Variants in PDE1C observed in about 807,000 individuals in gnomAD.
PDE1C encodes the protein dual specificity calcium/calmodulin-dependent 3',5'-cyclic nucleotide phosphodiesterase 1C.
Under a neutral mutation model 93.1 loss-of-function variants are expected in PDE1C, and 62 were observed. That is an observed-to-expected ratio of 0.67 (90% CI 0.54 to 0.82). The LOEUF (loss-of-function observed/expected upper bound fraction) is 0.82, where lower values mean the gene tolerates loss of function less well. PDE1C is among the 40% of genes least tolerant of loss of function. PDE1C has a pLI of 0.00. For synonymous variants in PDE1C, 325 were observed against 310.1 expected (o/e 1.05, Z -0.50); for missense variants, 742 against 884.6 (o/e 0.84, Z 2.04).
intron 2 of PDE1C, among the ~76,000 whole-genome samples, chr7:32,031,694 C>T (rs1790344015): frequency 6.6e-6 from 1 of 152,058 alleles, no homozygotes; most frequent in South Asian, 2.1e-4. Flanking sequence ...TAGACTAGGG[C>T]CTTGATGGAT....
intron 2 of PDE1C, among the ~76,000 whole-genome samples, chr7:32,193,828 G>A (rs1804402352): frequency 6.6e-6 from 1 of 150,788 alleles, no homozygotes; most frequent in South Asian, 2.1e-4. Context: ...CACTTTCTTA[G>A]TATAGAGTTA....
the PDE1C span, among the ~76,000 whole-genome samples, chr7:31,622,428 A>T: frequency 2.0e-5 from 3 of 151,956 alleles, no homozygotes; most frequent in East Asian, 1.9e-4. Flanking sequence ...CAGTGCAATC[A>T]AACTAGAACT....
chr7:31,617,209 A>G, the PDE1C span, among the ~76,000 whole-genome samples: 3 of 152,202 alleles, frequency 2.0e-5, no homozygotes, highest in African/African-American at 7.2e-5. Context: ...TATTTCTTCT[A>G]TAAACTCAAT....
In PDE1C at chr7:32,338,730, A is replaced by G. The variant is rs543974852; in HGVS notation, c.310+89092T>C. The stretch of plus-strand genomic sequence containing the variant: ...ACAAAAACCAAAGAGAAGGCCGGGC[A>G]CGGTGGCTCACGCCTGTAATCCCAG... On this transcript the variant is annotated intron_variant, in intron 1 of 1. Coordinates refer to the PDE1C transcript ENST00000672256. 8.7e-4 allele frequency among the ~76,000 whole-genome samples: 132 copies of G among 152,278 alleles called. No homozygotes were observed. In the South Asian group the frequency reaches 0.011, roughly 12 times the overall value.
At chr7:32,182,806 C>T (rs368933705) in intron 2 of PDE1C, among the ~76,000 whole-genome samples, 3 of 152,244 alleles carry the variant, frequency 2.0e-5, no homozygotes, top group South Asian at 2.1e-4. Flanking sequence ...CCAGGGCAAT[C>T]AGGCAGGAGA....
intron 1 of PDE1C, among the ~76,000 whole-genome samples, chr7:32,265,028 A>T (rs1034535300): frequency 2.0e-5 from 3 of 152,190 alleles, no homozygotes; most frequent in Non-Finnish European, 2.9e-5. Context: ...TTGTGATAGA[A>T]CTCACTCAGA....
At chr7:32,304,094 T>A (rs2128902751), upstream of PDE1C, among the ~76,000 whole-genome samples, 1 of 152,266 alleles carries the variant, frequency 6.6e-6, no homozygotes, top group Admixed American at 6.5e-5. Context: ...GCCAACCAGG[T>A]TTGCCTAGAG....
At chr7:31,663,344 C>T in the PDE1C span, among the ~76,000 whole-genome samples, 1 of 152,148 alleles carries the variant, frequency 6.6e-6, no homozygotes, top group Non-Finnish European at 1.5e-5. Context: ...TAATGCCATT[C>T]GTTACCAGTA....
chr7:32,239,459 CAACAAAATACTAGTA>C (rs1235552973), intron 1 of PDE1C, among the ~76,000 whole-genome samples: 8 of 151,948 alleles, frequency 5.3e-5, no homozygotes, highest in Admixed American at 3.3e-4. Flanking sequence ...TATTTATAAC[CAACAAAATACTAGTA>C]TACAAAATAC....
chr7:31,876,445 T>C (rs1467443763), intron 5 of PDE1C, among the ~76,000 whole-genome samples: 2 of 152,180 alleles, frequency 1.3e-5, no homozygotes, highest in Non-Finnish European at 2.9e-5. Context: ...TCAGTTATTC[T>C]GCATAGAAAA....
At chr7:31,880,585 G>A (rs1797119997) in intron 3 of PDE1C, among the ~76,000 whole-genome samples, 162 bp downstream of exon 3, 1 of 152,194 alleles carries the variant, frequency 6.6e-6, no homozygotes, top group Admixed American at 6.5e-5. Context: ...CAGAGAGTAA[G>A]TGACTTGTCC....
chr7:32,349,694 A>G (rs945258285), intron 1 of PDE1C, among the ~76,000 whole-genome samples: 10 of 152,108 alleles, frequency 6.6e-5, no homozygotes, highest in Admixed American at 5.2e-4. Context: ...CAATGGCACA[A>G]TCTTGGGTCA....
At chr7:31,983,291 T>C (rs1782941846) in intron 2 of PDE1C, among the ~76,000 whole-genome samples, 1 of 152,110 alleles carries the variant, frequency 6.6e-6, no homozygotes, top group African/African-American at 2.4e-5. Context: ...CAATGAATGA[T>C]CAAAGTAGAG....
chr7:31,931,097 AAG>A (rs1804179799), intron 2 of PDE1C, among the ~76,000 whole-genome samples: 1 of 152,156 alleles, frequency 6.6e-6, no homozygotes, highest in Non-Finnish European at 1.5e-5. Flanking sequence ...TCAAAATAAT[AAG>A]AGTTATTTAT....
At chr7:31,972,794 G>A (rs1442806205) in intron 2 of PDE1C, among the ~76,000 whole-genome samples, 1 of 152,254 alleles carries the variant, frequency 6.6e-6, no homozygotes, top group Non-Finnish European at 1.5e-5. Context: ...TTCTTCCCCT[G>A]TAGGAGGCAC....
chr7:32,232,542 C>T (rs117965645), intron 1 of PDE1C, among the ~76,000 whole-genome samples: 2,336 of 152,254 alleles, frequency 0.015, 24 homozygotes, highest in Non-Finnish European at 0.022. Context: ...GGCAGAGACA[C>T]TTAAATAAAA....
intron 3 of PDE1C, among the ~76,000 whole-genome samples, chr7:32,118,965 G>T (rs192763678): frequency 6.6e-6 from 1 of 152,264 alleles, no homozygotes; most frequent in Admixed American, 6.5e-5. Context: ...CCTCCAGGAT[G>T]GGGGGTAGAG....
At chr7:32,015,561 G>GA (rs1254475392) in intron 2 of PDE1C, among the ~76,000 whole-genome samples, 10 of 152,070 alleles carry the variant, frequency 6.6e-5, no homozygotes, top group Non-Finnish European at 1.0e-4. Flanking sequence ...CTAGCTCATG[G>GA]AAGACAAGAG....
chr7:31,844,671 TTA>T (rs1792329831), intron 9 of PDE1C, among the ~76,000 whole-genome samples: 1 of 151,994 alleles, frequency 6.6e-6, no homozygotes. Flanking sequence ...ATCTGTATAT[TTA>T]TATGTTTGGC....
Sources: allele counts gnomAD v4.1 joint callset (sites outside exome capture counted in the v4.1 genomes callset), GRCh38; gene constraint gnomAD v4.1.1; transcripts MANE v1.5; gene names NCBI Gene and HGNC (gene_info 2026-07-23, HGNC 2026-07-21).